Variants in PDIA5 observed in about 807,000 individuals in gnomAD.
PDIA5 encodes the protein protein disulfide isomerase family A member 5, also known as protein disulfide-isomerase A5.
PDIA5 carries 58 observed loss-of-function variants against 77.6 expected under a neutral mutation model. That is an observed-to-expected ratio of 0.75 (90% CI 0.61 to 0.93). The LOEUF is 0.93. PDIA5 is among the 40% of genes least tolerant of loss of function. The pLI is 0.00. For synonymous variants in PDIA5, 250 were observed against 252.1 expected (o/e 0.99, Z 0.08); for missense variants, 630 against 647.7 (o/e 0.97, Z 0.30).
chr3:123,127,869 G>T (rs1935279827), intron 10 of PDIA5, among the ~76,000 whole-genome samples: 1 of 152,150 alleles, frequency 6.6e-6, no homozygotes, highest in Admixed American at 6.5e-5. Context: ...GAATGCTCCT[G>T]TTCAACGAGC....
At chr3:123,088,356 C>G (rs1174520535) in intron 1 of PDIA5, among the ~76,000 whole-genome samples, 1 of 152,118 alleles carries the variant, frequency 6.6e-6, no homozygotes, top group Admixed American at 6.5e-5. Flanking sequence ...TGGCTCATTT[C>G]TTGTTGACTG....
intron 15 of PDIA5, among the ~76,000 whole-genome samples, chr3:123,155,487 G>T (rs1007864662): frequency 5.3e-5 from 8 of 152,240 alleles, no homozygotes; most frequent in African/African-American, 1.7e-4. Flanking sequence ...GACTGATGAA[G>T]CATAAAATTA....
In PDIA5 at chr3:123,161,377, G is replaced by A; in HGVS notation, c.1401G>A (p.Gln467=). The change falls in exon 16 of 17, where the codon CAG becomes CAA. Residue 467 remains glutamine, a synonymous_variant. Coordinates refer to ENST00000316218, the MANE Select transcript of PDIA5 (RefSeq NM_006810.4). Reference sequence around the variant, plus strand: ...ACAAGAACCAAGACCTGTGCCAGCAGGAGGCGGTCAAGGGCTACCCCACTT... The same window carrying A: ...ACAAGAACCAAGACCTGTGCCAGCAAGAGGCGGTCAAGGGCTACCCCACTT... ...VKDKNQDLCQ[Q]EAVKGYPTFH... is the part of the protein sequence containing the mutation. 6.2e-7 allele frequency: 1 copy of A among 1,614,222 alleles called. No individual in the cohort carries two copies. Among genetic ancestry groups the A allele is most frequent in the Non-Finnish European group, 8.5e-7 (1 of 1,180,034 alleles).
At chr3:123,161,743 A>T in intron 16 of PDIA5, 137 bp from the exon 17 acceptor site, 1 of 714,326 alleles carries the variant, frequency 1.4e-6, no homozygotes, top group South Asian at 1.6e-5. Context: ...GACCCTCTCC[A>T]CCTTGCAGAA....
chr3:123,086,519 A>T (rs951703454), intron 1 of PDIA5, among the ~76,000 whole-genome samples: 18 of 152,234 alleles, frequency 1.2e-4, no homozygotes, highest in African/African-American at 2.9e-4. Flanking sequence ...GATTATTTTT[A>T]AAAAAATTTT....
chr3:123,161,667 G>A (rs1936162127), intron 16 of PDIA5: 2 of 653,926 alleles, frequency 3.1e-6, no homozygotes, highest in East Asian at 2.7e-5. Flanking sequence ...TGTCCCCAGA[G>A]GCAGGCTGGA....
At position 123,067,118 on chromosome 3, in the gene PDIA5, G is replaced by T; in HGVS notation, c.-47G>T. On this transcript the variant is annotated 5_prime_UTR_variant, in exon 1 of 17. Coordinates refer to ENST00000316218, the MANE Select transcript of PDIA5 (RefSeq NM_006810.4). ...AGCTAGCAGGCGGGCGGGCGGGAGCGGGCGCCGGAGTGGAGAAAGGAGCCA... is the reference window on the plus strand; with the variant it reads ...AGCTAGCAGGCGGGCGGGCGGGAGCTGGCGCCGGAGTGGAGAAAGGAGCCA... The T allele has an allele frequency of 8.1e-7, 1 of 1,236,094 alleles. No homozygotes were observed. The allele number at this position is 1,236,094 out of a possible 1,614,324, so 76.6% of individuals were successfully genotyped here. A position where few individuals can be genotyped will look rare whatever the true frequency, so the allele number is the denominator to read the frequency against.
intron 1 of PDIA5, among the ~76,000 whole-genome samples, chr3:123,070,089 CAAAA>C (rs771690653): frequency 1.4e-5 from 1 of 72,392 alleles, no homozygotes; most frequent in Non-Finnish European, 3.1e-5. Context: ...GACTCCATCT[CAAAA>C]AAAAAAAAAA....
At chr3:123,114,334 G>A (rs836837) in intron 7 of PDIA5, among the ~76,000 whole-genome samples, 21,886 of 151,900 alleles carry the variant, frequency 0.14, 1,931 homozygotes, top group Middle Eastern at 0.22. Context: ...TTCCCTCAGT[G>A]GAAGTGTTTC....
At chr3:123,102,880 A>C in intron 5 of PDIA5, 84 bp downstream of exon 5, 1 of 853,230 alleles carries the variant, frequency 1.2e-6, no homozygotes, top group South Asian at 1.4e-5. Flanking sequence ...TGAGAAAAGA[A>C]AGGGCAGATT....
chr3:123,106,100 G>T (rs1934723535), intron 5 of PDIA5, among the ~76,000 whole-genome samples: 1 of 152,212 alleles, frequency 6.6e-6, no homozygotes, highest in African/African-American at 2.4e-5. Flanking sequence ...TAGAAGAGGG[G>T]CCCCAGCATG....
In PDIA5 at chr3:123,114,620, G is replaced by A. The variant is rs184063015; in HGVS notation, c.542-1611G>A. Among the ~76,000 whole-genome samples the A allele has an allele frequency of 1.5e-3, 226 of 152,274 alleles. 1 individual carries two copies. Among genetic ancestry groups the A allele is most frequent in the African/African-American group, 5.0e-3 (208 of 41,552 alleles). On this transcript the variant is annotated intron_variant, in intron 7 of 16. Coordinates refer to ENST00000316218, the MANE Select transcript of PDIA5 (RefSeq NM_006810.4). ...ATCTGCAGCCTCCTGTTTTCCACCCGGTGCATTTCCCCCTGAGCGTTGTTC... is the reference window on the plus strand; with the variant it reads ...ATCTGCAGCCTCCTGTTTTCCACCCAGTGCATTTCCCCCTGAGCGTTGTTC...
chr3:123,105,965 C>A (rs747491070), intron 5 of PDIA5, among the ~76,000 whole-genome samples: 2 of 152,166 alleles, frequency 1.3e-5, no homozygotes, highest in African/African-American at 4.8e-5. Context: ...AGGACAGTGC[C>A]ACTCTTCCCT....
intron 15 of PDIA5, among the ~76,000 whole-genome samples, chr3:123,160,448 C>CA (rs1553807209): frequency 3.9e-5 from 6 of 152,050 alleles, no homozygotes; most frequent in Non-Finnish European, 7.4e-5. Context: ...TTTACTCATG[C>CA]GGGGCTCCTC....
At chr3:123,129,926 G>T (rs556659642) in intron 10 of PDIA5, among the ~76,000 whole-genome samples, 2 of 152,114 alleles carry the variant, frequency 1.3e-5, no homozygotes, top group South Asian at 2.1e-4. Flanking sequence ...TTCCCTTGCT[G>T]CAACCTTCCC....
chr3:123,112,620 C>T (rs1934892519), intron 7 of PDIA5, among the ~76,000 whole-genome samples: 1 of 141,228 alleles, frequency 7.1e-6, no homozygotes, highest in South Asian at 2.3e-4. Context: ...ACCATCTCAG[C>T]TCACTGCGAC....
chr3:123,106,482 C>T (rs1373192154), intron 5 of PDIA5, among the ~76,000 whole-genome samples: 1 of 152,176 alleles, frequency 6.6e-6, no homozygotes, highest in African/African-American at 2.4e-5. Flanking sequence ...GCATAGTAGG[C>T]ATGGACTACC....
chr3:123,103,092 T>C (rs1018005624), intron 5 of PDIA5, among the ~76,000 whole-genome samples: 4 of 152,212 alleles, frequency 2.6e-5, no homozygotes, highest in Admixed American at 1.3e-4. Flanking sequence ...CATTTCGTTG[T>C]AGCTTCAAAG....
intron 1 of PDIA5, among the ~76,000 whole-genome samples, chr3:123,068,199 C>A (rs1190835405): frequency 1.3e-5 from 2 of 152,162 alleles, no homozygotes; most frequent in Non-Finnish European, 2.9e-5. Context: ...ACTTCCTGTT[C>A]CTGGCACCCT....
Sources: allele counts gnomAD v4.1 joint callset (sites outside exome capture counted in the v4.1 genomes callset), GRCh38; gene constraint gnomAD v4.1.1; transcripts MANE v1.5; gene names NCBI Gene and HGNC (gene_info 2026-07-23, HGNC 2026-07-21).